Variants in MYO16 observed in about 807,000 individuals in gnomAD.
MYO16 encodes the protein myosin XVI.
Under a neutral mutation model 205.3 loss-of-function variants are expected in MYO16, and 94 were observed. The observed-to-expected ratio is 0.46, with a 90% CI of 0.39 to 0.54. The LOEUF (loss-of-function observed/expected upper bound fraction) is 0.54. MYO16 is among the 20% of genes least tolerant of loss of function. MYO16 has a pLI of 0.00. For synonymous variants in MYO16, 988 were observed against 954.0 expected (o/e 1.04, Z -0.66); for missense variants, 2,315 against 2,387.5 (o/e 0.97, Z 0.63).
At chr13:108,759,507 G>A in intron 4 of MYO16, among the ~76,000 whole-genome samples, 1 of 152,144 alleles carries the variant, frequency 6.6e-6, no homozygotes, top group East Asian at 1.9e-4. Flanking sequence ...TGAAAGAAAT[G>A]AGGTGAACAA....
At chr13:108,951,957 T>C (rs1292880992) in intron 16 of MYO16, among the ~76,000 whole-genome samples, 1 of 151,806 alleles carries the variant, frequency 6.6e-6, no homozygotes, top group African/African-American at 2.4e-5. Flanking sequence ...AACACAAAAA[T>C]TCGCCAGACG....
At chr13:108,922,597 A>T (rs555713617) in intron 16 of MYO16, among the ~76,000 whole-genome samples, 4 of 152,328 alleles carry the variant, frequency 2.6e-5, no homozygotes, top group African/African-American at 9.6e-5. Flanking sequence ...AAGATTTGGA[A>T]TGTGCGATTT....
At chr13:108,623,860 C>T (rs1406467723) in intron 1 of MYO16, among the ~76,000 whole-genome samples, 1 of 151,944 alleles carries the variant, frequency 6.6e-6, no homozygotes, top group African/African-American at 2.4e-5. Flanking sequence ...AAATGCAAAG[C>T]ATTGCATTAT....
Position 108,760,476 on chromosome 13 carries a change from T to G in MYO16, c.508-25159T>G, listed in dbSNP as rs532789233. ...AAATCCTTAATGATAACTTAGGGTT[T>G]TTTTTTTTATCATTTTGGCTTTTTA... On this transcript the variant is annotated intron_variant, in intron 4 of 34. Coordinates refer to ENST00000457511, the MANE Select transcript of MYO16 (RefSeq NM_001198950.3). Among the ~76,000 whole-genome samples the G allele has an allele frequency of 9.0e-3, 1,364 of 150,952 alleles. 18 individuals carry two copies. The highest frequency in any genetic ancestry group is 0.032 in the African/African-American group (1,285 of 40,594).
intron 33 of MYO16, among the ~76,000 whole-genome samples, chr13:109,173,610 T>A (rs1879007584): frequency 6.6e-6 from 1 of 152,064 alleles, no homozygotes; most frequent in African/African-American, 2.4e-5. Flanking sequence ...TTAAAGAGTG[T>A]CTCGGCCGGG....
chr13:108,719,547 G>A (rs1362710964), intron 3 of MYO16, among the ~76,000 whole-genome samples: 2 of 151,956 alleles, frequency 1.3e-5, no homozygotes, highest in Non-Finnish European at 2.9e-5. Context: ...TTGGTCCTGA[G>A]GTGAGTTCTT....
At chr13:108,602,468 T>C (rs1338730798) in intron 1 of MYO16, among the ~76,000 whole-genome samples, 1 of 152,180 alleles carries the variant, frequency 6.6e-6, no homozygotes, top group African/African-American at 2.4e-5. Flanking sequence ...TTTGAAGATG[T>C]TTTGACAGTA....
intron 27 of MYO16, among the ~76,000 whole-genome samples, chr13:109,058,406 CGTA>C (rs1566485499): frequency 6.6e-6 from 1 of 152,062 alleles, no homozygotes; most frequent in African/African-American, 2.4e-5. Context: ...ACCTTGGAGA[CGTA>C]GTAGGTTCAG....
Position 108,661,629 on chromosome 13 carries a change from A to G in MYO16, c.29-4257A>G, listed in dbSNP as rs572560004. Reference sequence around the variant, plus strand: ...CTAAAAGCATGTCCAAAGTTTCCCAAATGTTTGATTGTTTTTTCTTTAAGC... The same window carrying G: ...CTAAAAGCATGTCCAAAGTTTCCCAGATGTTTGATTGTTTTTTCTTTAAGC... On this transcript the variant is annotated intron_variant, in intron 1 of 34. Transcript: ENST00000457511. Among the ~76,000 whole-genome samples the G allele has an allele frequency of 3.5e-4, 54 of 152,146 alleles. 1 individual carries two copies. Among genetic ancestry groups the G allele is most frequent in the Admixed American group, 2.9e-3 (44 of 15,274 alleles).
At chr13:108,617,901 T>A (rs996566684) in intron 1 of MYO16, among the ~76,000 whole-genome samples, 5 of 152,198 alleles carry the variant, frequency 3.3e-5, no homozygotes, top group African/African-American at 1.2e-4. Flanking sequence ...TTTTCCACTC[T>A]GCTTCTTCTT....
intron 1 of MYO16, among the ~76,000 whole-genome samples, chr13:108,624,058 C>G (rs1320803591): frequency 2.0e-5 from 3 of 152,132 alleles, no homozygotes; most frequent in Admixed American, 2.0e-4. Context: ...CATGATTCAA[C>G]TAAAGAGGCA....
At chr13:108,775,264 C>A (rs1306562866) in intron 4 of MYO16, among the ~76,000 whole-genome samples, 1 of 151,948 alleles carries the variant, frequency 6.6e-6, no homozygotes, top group Non-Finnish European at 1.5e-5. Context: ...TTATTCACAG[C>A]TGAAAAATTA....
At chr13:109,018,974 G>GTTT (rs1555324514) in intron 22 of MYO16, among the ~76,000 whole-genome samples, 3 of 131,620 alleles carry the variant, frequency 2.3e-5, no homozygotes, top group African/African-American at 5.7e-5. Flanking sequence ...TTTTTTTTTT[G>GTTT]TTTTTTTTTT....
the MYO16 span, among the ~76,000 whole-genome samples, chr13:108,559,400 T>C: frequency 1.3e-5 from 2 of 152,058 alleles, no homozygotes; most frequent in African/African-American, 2.4e-5. Flanking sequence ...CCCCCAGGAC[T>C]GTGGAAGATT....
the MYO16 span, among the ~76,000 whole-genome samples, chr13:108,567,217 T>C: frequency 2.0e-5 from 3 of 152,014 alleles, 1 homozygote; most frequent in South Asian, 4.1e-4. Flanking sequence ...ATCAGGATGA[T>C]GGAAGTAGAA....
intron 16 of MYO16, among the ~76,000 whole-genome samples, chr13:108,928,419 G>A (rs1309622698): frequency 6.6e-6 from 1 of 152,164 alleles, no homozygotes; most frequent in African/African-American, 2.4e-5. Context: ...TATGGCATAG[G>A]ATGTATAATT....
intron 2 of MYO16, among the ~76,000 whole-genome samples, chr13:108,698,966 G>A (rs1244443903): frequency 1.3e-5 from 2 of 152,048 alleles, no homozygotes; most frequent in African/African-American, 4.8e-5. Context: ...GCCACAAACA[G>A]CACTGTGATA....
intron 9 of MYO16, among the ~76,000 whole-genome samples, chr13:108,830,640 T>A (rs909096440): frequency 3.4e-5 from 5 of 146,846 alleles, no homozygotes; most frequent in Middle Eastern, 3.5e-3. Flanking sequence ...GGGATAGTAT[T>A]GGGAGATATA....
At chr13:108,547,548 A>G in the MYO16 span, among the ~76,000 whole-genome samples, 2 of 152,204 alleles carry the variant, frequency 1.3e-5, no homozygotes. Flanking sequence ...CACTCTGTAT[A>G]CTATTAAGCA....
Sources: gnomAD v4.1 joint callset for allele counts (sites outside exome capture counted in the v4.1 genomes callset) on GRCh38, gnomAD v4.1.1 for gene constraint, MANE v1.5 for transcripts, NCBI Gene and HGNC (gene_info 2026-07-23, HGNC 2026-07-21) for gene names.